The following MAP2K7 variants were observed in gnomAD, a reference collection of about 807,000 sequenced individuals.
The protein encoded by MAP2K7 is mitogen-activated protein kinase kinase 7, also known as dual specificity mitogen-activated protein kinase kinase 7.
A neutral mutation model predicts 47.7 loss-of-function variants in MAP2K7; 12 were observed. The ratio of observed to expected loss-of-function variants is 0.25; its 90% CI spans 0.16 to 0.41. MAP2K7 has a LOEUF of 0.41. Among genes scored for constraint, MAP2K7 ranks in the 10% least tolerant of loss-of-function variants. The probability of loss-of-function intolerance (pLI) is 1.00; values close to 1 mark genes in which losing one functional copy is unlikely to be tolerated. For missense variants in MAP2K7, 415 were observed against 600.3 expected, an observed-to-expected ratio of 0.69 and a Z score of 3.23; for synonymous variants, 299 against 243.0, an observed-to-expected ratio of 1.23 and a Z score of -2.14.
In MAP2K7 at chr19:7,912,490, C is replaced by A; in HGVS notation, c.*59C>A. The stretch of plus-strand genomic sequence containing the variant: ...GGGGCATGGCCACAGGCCCCCCTCC[C>A]CACTTGGCCACCCAGCTGCCTGCCA... On this transcript the variant is annotated 3_prime_UTR_variant, in exon 11 of 11. Coordinates refer to ENST00000397979, the MANE Select transcript of MAP2K7 (RefSeq NM_145185.4). 2 of 1,537,424 alleles carry A rather than the reference C, an allele frequency of 1.3e-6. No homozygotes were observed. The highest frequency in any genetic ancestry group is 2.4e-5 in the South Asian group (2 of 84,310).
Position 7,903,920 on chromosome 19 carries a change from C to G in MAP2K7, c.-25C>G, listed in dbSNP as rs547869973. The G allele has an allele frequency of 1.2e-5, 18 of 1,492,714 alleles. No homozygotes were observed. The highest frequency in any genetic ancestry group is 1.8e-4 in the Middle Eastern group (1 of 5,500). The allele number at this position is 1,492,714 out of a possible 1,614,324, so 92.5% of individuals were successfully genotyped here. A position where few individuals can be genotyped will look rare whatever the true frequency, so the allele number is the denominator to read the frequency against. On this transcript the variant is annotated 5_prime_UTR_variant, in exon 1 of 11. Coordinates refer to ENST00000397979, the MANE Select transcript of MAP2K7 (RefSeq NM_145185.4). ...CGGACTGACGGGCGGCCGGGCGGTG[C>G]GCGGCGGCGGTGGCGGCGGGGAAGA...
chr19:7,905,883 G>T (rs748818671), intron 1 of MAP2K7: 1 of 1,609,156 alleles, frequency 6.2e-7, no homozygotes, highest in Admixed American at 1.7e-5. Flanking sequence ...ATCGCTGCTT[G>T]GACATCTGCA....
intron 1 of MAP2K7, among the ~76,000 whole-genome samples, chr19:7,908,110 A>G (rs1357177817): frequency 6.6e-6 from 1 of 151,364 alleles, no homozygotes; most frequent in Non-Finnish European, 1.5e-5. Context: ...TGTTGCAGTG[A>G]GTTGAGATCA....
At chr19:7,907,041 A>G (rs1370993940) in intron 1 of MAP2K7, 1 of 150,502 alleles carries the variant, frequency 6.6e-6, no homozygotes, top group African/African-American at 2.5e-5. Flanking sequence ...GCAAAACTCC[A>G]TCTCAAAAAA....
rs1982996638 is a variant in MAP2K7, at chr19:7,912,794, G to A, written c.*363G>A. 7.1e-6 allele frequency: 2 copies of A among 282,476 alleles called. No individual in the cohort carries two copies. The highest frequency in any genetic ancestry group is 2.2e-5 in the African/African-American group (1 of 44,986). The allele number at this position is 282,476 out of a possible 1,614,324, so 17.5% of individuals were successfully genotyped here. A position where few individuals can be genotyped will look rare whatever the true frequency, so the allele number is the denominator to read the frequency against. On this transcript the variant is annotated 3_prime_UTR_variant, in exon 11 of 11. Coordinates refer to ENST00000397979, the MANE Select transcript of MAP2K7 (RefSeq NM_145185.4). ...ACCATGCACGCTCCCAGCGTGCTGT[G>A]TCCTTCGCCACTCCCACGCGCCCGT... is the stretch of plus-strand genomic sequence containing the variant.
At position 7,911,244 on chromosome 19, in the gene MAP2K7, CT is replaced by C. The variant is rs771686550; in HGVS notation, c.856-5del. The C allele has an allele frequency of 9.2e-5, 149 of 1,611,510 alleles. No individual in the cohort carries two copies. Among genetic ancestry groups the C allele is most frequent in the East Asian group, 5.8e-4 (26 of 44,840 alleles). ...GGAGATACGTCTTCTCCTCCCCCCC[CT>C]GCAGCCCGAGCGCATTGACCCCCCA... On this transcript the variant is annotated splice_region_variant and splice_polypyrimidine_tract_variant and intron_variant, in intron 7 of 10. Transcript: ENST00000397979.
At chr19:7,907,649 C>T (rs1449478701) in intron 1 of MAP2K7, among the ~76,000 whole-genome samples, 4 of 152,220 alleles carry the variant, frequency 2.6e-5, no homozygotes, top group African/African-American at 9.6e-5. Flanking sequence ...TCCATCCCCC[C>T]ATGCTCCAGT....
rs772810212 is a variant in MAP2K7, at chr19:7,912,310, T to A, written c.1139T>A (p.Ile380Asn). Residue 380 changes from isoleucine (I) to asparagine (N), a missense_variant, in exon 11 of 11, where the codon ATC (isoleucine) becomes AAC (asparagine). Around this residue, in one of 3 missense-constraint regions of MAP2K7, gnomAD observed 94 missense variants for 105.2 expected, o/e 0.89. Transcript: ENST00000397979. ...KYNKLLEHSF[I>N]KRYETLEVDV... ...TCGGGCCCACAGGAACACAGCTTCA[T>A]CAAGCGCTACGAGACGCTGGAGGTG... 1 of 1,613,690 alleles carries A rather than the reference T, an allele frequency of 6.2e-7. No homozygotes were observed.
At chr19:7,907,989 A>AC (rs1982574612) in intron 1 of MAP2K7, among the ~76,000 whole-genome samples, 1 of 151,886 alleles carries the variant, frequency 6.6e-6, no homozygotes. Flanking sequence ...ACATAGCGAG[A>AC]CCCCATCTCT....
chr19:7,905,199 T>C (rs1599619994), intron 1 of MAP2K7, among the ~76,000 whole-genome samples: 1 of 152,284 alleles, frequency 6.6e-6, no homozygotes, highest in Admixed American at 6.5e-5. Context: ...TCTTGTCTCC[T>C]CTGATGTGAC....
At chr19:7,911,189 G>C in intron 7 of MAP2K7, 30 bp downstream of exon 7, 1 of 1,608,232 alleles carries the variant, frequency 6.2e-7, no homozygotes, top group Non-Finnish European at 8.5e-7. Context: ...CGGGGGAGGG[G>C]GTGGGGGCTG....
chr19:7,909,873 G>T lies in MAP2K7; in HGVS notation c.243G>T (p.Leu81=). Residue 81 remains leucine (L), a synonymous_variant, in exon 2 of 11, where the codon CTG becomes CTT. Transcript: ENST00000397979. ...PRHMLGLPST[L]FTPRSMESIE... is the part of the protein sequence containing the mutation. Reference sequence around the variant, plus strand: ...ACATGCTGGGGCTCCCGTCAACCCTGTTCACACCCCGCAGCATGGAGAGGT... The same window carrying T: ...ACATGCTGGGGCTCCCGTCAACCCTTTTCACACCCCGCAGCATGGAGAGGT... The T allele has an allele frequency of 6.5e-7, 1 of 1,533,064 alleles. No homozygotes were observed. Among genetic ancestry groups the T allele is most frequent in the South Asian group, 1.2e-5 (1 of 81,910 alleles). 95.0% of individuals were successfully genotyped at this position (1,533,064 alleles called of 1,614,324 possible). A position where few individuals can be genotyped will look rare whatever the true frequency, so the allele number is the denominator to read the frequency against.
intron 1 of MAP2K7, chr19:7,905,715 G>T: frequency 1.7e-6 from 2 of 1,157,518 alleles, no homozygotes; most frequent in Non-Finnish European, 1.3e-6. Flanking sequence ...CCTCCTCCTC[G>T]TTTATGATTT....
rs1175318233 is a variant in MAP2K7, at chr19:7,913,367, G to C, written c.*936G>C. ...CCGCACAGGATGGCCTTCAGGGAAG[G>C]TGGTCTTGGGGCATGGTGCAGAGCA... On this transcript the variant is annotated 3_prime_UTR_variant, in exon 11 of 11. Coordinates refer to ENST00000397979, the MANE Select transcript of MAP2K7 (RefSeq NM_145185.4). 1 of 153,018 alleles carries C rather than the reference G, an allele frequency of 6.5e-6. No individual in the cohort carries two copies. Among genetic ancestry groups the C allele is most frequent in the African/African-American group, 2.4e-5 (1 of 41,432 alleles). 9.5% of individuals were successfully genotyped at this position (153,018 alleles called of 1,614,324 possible). A position where few individuals can be genotyped will look rare whatever the true frequency, so the allele number is the denominator to read the frequency against.
chr19:7,910,316 C>T lies in MAP2K7; in HGVS notation c.390C>T (p.Thr130=), dbSNP rs1317403512. ...LENLGEMGSG[T]CGQVWKMRFR... Reference sequence around the variant, plus strand: ...ACTTGGGCGAGATGGGCAGCGGCACCTGCGGCCAGGTGTGGAAGATGCGCT... The same window carrying T: ...ACTTGGGCGAGATGGGCAGCGGCACTTGCGGCCAGGTGTGGAAGATGCGCT... The change falls in exon 4 of 11, where the codon ACC becomes ACT. Residue 130 remains threonine, a synonymous_variant. Transcript: ENST00000397979. 1.9e-6 allele frequency: 3 copies of T among 1,613,372 alleles called. No homozygotes were observed. In the Admixed American group the frequency reaches 5.0e-5, roughly 27 times the overall value.
Position 7,912,637 on chromosome 19 carries a change from C to G in MAP2K7, c.*206C>G. 1 of 611,058 alleles carries G rather than the reference C, an allele frequency of 1.6e-6. No homozygotes were observed. Among genetic ancestry groups the G allele is most frequent in the South Asian group, 2.0e-5 (1 of 50,402 alleles). 37.9% of individuals were successfully genotyped at this position (611,058 alleles called of 1,614,324 possible). A position where few individuals can be genotyped will look rare whatever the true frequency, so the allele number is the denominator to read the frequency against. On this transcript the variant is annotated 3_prime_UTR_variant, in exon 11 of 11. Transcript: ENST00000397979. ...CCTTCCCACCCCGGGGTCAGCCGGCCGTGTGCGTCCCCCGACAGACACTGT... is the reference window on the plus strand; with the variant it reads ...CCTTCCCACCCCGGGGTCAGCCGGCGGTGTGCGTCCCCCGACAGACACTGT...
intron 1 of MAP2K7, among the ~76,000 whole-genome samples, chr19:7,905,060 C>T (rs1231952668): frequency 1.3e-5 from 2 of 151,680 alleles, no homozygotes; most frequent in East Asian, 3.9e-4. Context: ...TATCTAGTCT[C>T]CCGGCTTTTT....
At chr19:7,909,979 C>A in intron 2 of MAP2K7, 83 bp downstream of exon 2, 2 of 1,510,258 alleles carry the variant, frequency 1.3e-6, no homozygotes, top group Non-Finnish European at 1.8e-6. Context: ...GTGGTTAAAC[C>A]GGTGGGAACC....
At chr19:7,910,623 C>G (rs1271447537) in intron 5 of MAP2K7, 51 bp downstream of exon 5, 1 of 1,611,762 alleles carries the variant, frequency 6.2e-7, no homozygotes, top group Non-Finnish European at 8.5e-7. Flanking sequence ...CACCCCTGCC[C>G]CTTCCTAGGG....
Sources: gnomAD v4.1 joint callset for allele counts (sites outside exome capture counted in the v4.1 genomes callset) on GRCh38, gnomAD v4.1.1 for gene constraint, gnomAD v4.1.1 regional missense constraint, MANE v1.5 for transcripts, NCBI Gene and HGNC (gene_info 2026-07-23, HGNC 2026-07-21) for gene names.